The following CDS1 variants were observed in gnomAD, a reference collection of about 807,000 sequenced individuals.
The protein encoded by CDS1 is phosphatidate cytidylyltransferase 1.
A neutral mutation model predicts 62.1 loss-of-function variants in CDS1; 41 were observed. That is an observed-to-expected ratio of 0.66 (90% CI 0.51 to 0.86). CDS1 has a LOEUF of 0.86. CDS1 is among the 40% of genes least tolerant of loss of function. CDS1 has a pLI of 0.00. For synonymous variants in CDS1, 185 were observed against 192.6 expected (o/e 0.96, Z 0.32); for missense variants, 470 against 550.1 (o/e 0.85, Z 1.46).
intron 1 of CDS1, among the ~76,000 whole-genome samples, chr4:84,603,611 A>G (rs1055337353): frequency 5.9e-5 from 9 of 152,196 alleles, no homozygotes; most frequent in African/African-American, 1.7e-4. Context: ...GCTCCCTGCC[A>G]TCTCCAACAT....
rs1222603569 is a variant in CDS1 at position 84,650,760 on chromosome 4, C to T, written c.*2074C>T. 2 of 152,058 alleles carry T rather than the reference C, an allele frequency of 1.3e-5. No homozygotes were observed. Among genetic ancestry groups the T allele is most frequent in the Admixed American group, 6.5e-5 (1 of 15,268 alleles). The allele number at this position is 152,058 out of a possible 1,614,324, so 9.4% of individuals were successfully genotyped here. A position where few individuals can be genotyped will look rare whatever the true frequency, so the allele number is the denominator to read the frequency against. ...CTTTTAGAATTGAATGTACATTATC[C>T]TATATGTAAAAAAGCAAATTATTAA... On this transcript the variant is annotated 3_prime_UTR_variant, in exon 13 of 13. Coordinates refer to ENST00000295887, the MANE Select transcript of CDS1 (RefSeq NM_001263.4).
chr4:84,609,757 TA>T (rs1723258625), intron 3 of CDS1, among the ~76,000 whole-genome samples: 1 of 152,208 alleles, frequency 6.6e-6, no homozygotes, highest in African/African-American at 2.4e-5. Flanking sequence ...GTATAACAGG[TA>T]CATATCTATG....
rs1724694850 is a variant in CDS1 at position 84,650,325 on chromosome 4, C to T, written c.*1639C>T. The T allele has an allele frequency of 1.3e-5, 2 of 152,108 alleles. No homozygotes were observed. The highest frequency in any genetic ancestry group is 2.9e-5 in the Non-Finnish European group (2 of 68,014). The allele number at this position is 152,108 out of a possible 1,614,324, so 9.4% of individuals were successfully genotyped here. A position where few individuals can be genotyped will look rare whatever the true frequency, so the allele number is the denominator to read the frequency against. On this transcript the variant is annotated 3_prime_UTR_variant, in exon 13 of 13. Transcript: ENST00000295887. ...GCATGTGTTCAGCCAGTGTATCTCA[C>T]ACTATCCATACAAATCTAAAATTGA...
intron 7 of CDS1, among the ~76,000 whole-genome samples, chr4:84,634,377 G>A (rs1158102423): frequency 6.6e-6 from 1 of 152,184 alleles, no homozygotes; most frequent in Non-Finnish European, 1.5e-5. Context: ...TTGCTCCTGT[G>A]TAGGAGTGGG....
At chr4:84,637,897 A>G (rs1252842820) in intron 8 of CDS1, among the ~76,000 whole-genome samples, 1 of 152,096 alleles carries the variant, frequency 6.6e-6, no homozygotes, top group Non-Finnish European at 1.5e-5. Context: ...ACCCTAGGAG[A>G]AGGTGTGTCT....
chr4:84,612,371 C>T (rs1033084810), intron 3 of CDS1, among the ~76,000 whole-genome samples: 5 of 151,984 alleles, frequency 3.3e-5, no homozygotes, highest in African/African-American at 9.7e-5. Flanking sequence ...CAGAAACCAC[C>T]AGTATCCTAG....
intron 8 of CDS1, among the ~76,000 whole-genome samples, chr4:84,636,556 G>A (rs891321125): frequency 1.3e-5 from 2 of 151,988 alleles, no homozygotes; most frequent in South Asian, 2.1e-4. Flanking sequence ...ACAAAGTCTC[G>A]CCCTGTCACC....
chr4:84,609,929 G>A (rs1723265546), intron 3 of CDS1, among the ~76,000 whole-genome samples: 1 of 151,854 alleles, frequency 6.6e-6, no homozygotes, highest in South Asian at 2.1e-4. Context: ...TGAGGTGGGG[G>A]ATCACTTGAG....
chr4:84,604,125 T>A, intron 1 of CDS1, 118 bp from the exon 2 acceptor site: 1 of 816,560 alleles, frequency 1.2e-6, no homozygotes, highest in Non-Finnish European at 1.9e-6. Flanking sequence ...AAATAGTAGT[T>A]TCTTTGTTTC....
At chr4:84,612,598 GTT>G (rs573925996) in intron 3 of CDS1, among the ~76,000 whole-genome samples, 3 of 151,988 alleles carry the variant, frequency 2.0e-5, no homozygotes, top group Non-Finnish European at 4.4e-5. Context: ...CGGTACTTGA[GTT>G]TTTTTGTTTA....
At chr4:84,621,195 C>G (rs1723676393) in intron 5 of CDS1, among the ~76,000 whole-genome samples, 1 of 152,158 alleles carries the variant, frequency 6.6e-6, no homozygotes, top group African/African-American at 2.4e-5. Context: ...AAAAGAAGGA[C>G]ATGAAGTTTG....
intron 1 of CDS1, among the ~76,000 whole-genome samples, chr4:84,602,112 A>G (rs913343604): frequency 2.2e-4 from 34 of 152,298 alleles, no homozygotes; most frequent in African/African-American, 7.9e-4. Context: ...GAGTCTATAC[A>G]TTAAATACAG....
At chr4:84,627,420 T>G (rs1723895028) in intron 5 of CDS1, among the ~76,000 whole-genome samples, 1 of 152,290 alleles carries the variant, frequency 6.6e-6, no homozygotes, top group South Asian at 2.1e-4. Flanking sequence ...ACGTTTTCTC[T>G]AGAGTCTAGA....
intron 10 of CDS1, among the ~76,000 whole-genome samples, chr4:84,641,218 C>A (rs41282381): frequency 7.9e-5 from 12 of 152,080 alleles, no homozygotes; most frequent in African/African-American, 2.4e-4. Flanking sequence ...AGGCGCTCGC[C>A]ACCACATCTC....
intron 5 of CDS1, among the ~76,000 whole-genome samples, chr4:84,622,456 G>A (rs111418201): frequency 1.3e-5 from 2 of 152,254 alleles, no homozygotes; most frequent in Admixed American, 6.5e-5. Flanking sequence ...AGCCGGGTGC[G>A]GTGGCAGGTG....
At chr4:84,610,280 G>A (rs1723277136) in intron 3 of CDS1, among the ~76,000 whole-genome samples, 2 of 152,152 alleles carry the variant, frequency 1.3e-5, no homozygotes, top group Admixed American at 1.3e-4. Context: ...CTGGACAGAG[G>A]AAGGAATTCC....
chr4:84,586,537 C>A (rs1722428062), intron 1 of CDS1, among the ~76,000 whole-genome samples: 1 of 152,102 alleles, frequency 6.6e-6, no homozygotes, highest in Non-Finnish European at 1.5e-5. Flanking sequence ...TGACAGGAGG[C>A]AGCGCTCGGT....
In CDS1 at chr4:84,604,387, A is replaced by G; in HGVS notation, c.245+17A>G. ...ATCTTCAAGGTATGATTGGATGAAG[A>G]TGAGTATATCTTAGTGCACAAGATA... is the stretch of plus-strand genomic sequence containing the variant. On this transcript the variant is annotated intron_variant, in intron 2 of 12. Coordinates refer to ENST00000295887, the MANE Select transcript of CDS1 (RefSeq NM_001263.4). The G allele has an allele frequency of 6.2e-7, 1 of 1,611,216 alleles. No individual in the cohort carries two copies. The highest frequency in any genetic ancestry group is 8.5e-7 in the Non-Finnish European group (1 of 1,178,736).
chr4:84,598,826 A>G (rs948277916), intron 1 of CDS1, among the ~76,000 whole-genome samples: 1 of 152,062 alleles, frequency 6.6e-6, no homozygotes, highest in Non-Finnish European at 1.5e-5. Flanking sequence ...ACAGTGTCAT[A>G]TTTTGAAACC....
Sources: allele counts gnomAD v4.1 joint callset (sites outside exome capture counted in the v4.1 genomes callset), GRCh38; gene constraint gnomAD v4.1.1; transcripts MANE v1.5; gene names NCBI Gene and HGNC (gene_info 2026-07-23, HGNC 2026-07-21).